The following LIMS1 variants were observed in gnomAD, a reference collection of about 807,000 sequenced individuals.
The protein encoded by LIMS1 is LIM zinc finger domain containing 1.
LIMS1 carries 18 observed loss-of-function variants against 44.1 expected under a neutral mutation model. The ratio of observed to expected loss-of-function variants is 0.41; its 90% CI spans 0.28 to 0.61. The LOEUF (loss-of-function observed/expected upper bound fraction) is 0.61, where lower values mean the gene tolerates loss of function less well. LIMS1 is among the 20% of genes least tolerant of loss of function. The pLI, the probability that LIMS1 is intolerant of heterozygous loss-of-function variation, is 0.32. For missense variants in LIMS1, 201 were observed against 422.0 expected (o/e 0.48, Z 4.59); for synonymous variants, 93 against 149.1 (o/e 0.62, Z 2.74).
chr2:108,592,506 T>C (rs1269414919), intron 1 of LIMS1, among the ~76,000 whole-genome samples: 1 of 152,150 alleles, frequency 6.6e-6, no homozygotes, highest in Admixed American at 6.5e-5. Flanking sequence ...GATTCCCTTA[T>C]AGGGCTTTAA....
chr2:108,551,953 G>GTA (rs10598934), intron 1 of LIMS1, among the ~76,000 whole-genome samples: 15,953 of 84,968 alleles, frequency 0.19, 1,186 homozygotes, highest in African/African-American at 0.21. Flanking sequence ...GTGTGTGTGT[G>GTA]TATATATATA....
rs753691810 is a variant in LIMS1 at position 108,569,764 on chromosome 2, C to CCTTTTTTTT, written c.32+35170_32+35171insCTTTTTTTT. ...TACAAACACTCACCGCCATATCTGGCTTTTTTTTTTTTTTTTTTTAGTGAT... is the reference window on the plus strand; with the variant it reads ...TACAAACACTCACCGCCATATCTGGCCTTTTTTTTTTTTTTTTTTTTTTTTTTTAGTGAT... On this transcript the variant is annotated intron_variant, in intron 1 of 9. Transcript: ENST00000544547. Among the ~76,000 whole-genome samples, 259 of 113,122 alleles carry CCTTTTTTTT rather than the reference C, an allele frequency of 2.3e-3. 28 individuals are homozygous for CCTTTTTTTT. Among genetic ancestry groups the CCTTTTTTTT allele is most frequent in the Middle Eastern group, 5.1e-3 (1 of 196 alleles). 74.2% of individuals were successfully genotyped at this position (113,122 alleles called of 152,430 possible).
chr2:108,618,242 G>A (rs1453686827), intron 1 of LIMS1, among the ~76,000 whole-genome samples: 1 of 152,140 alleles, frequency 6.6e-6, no homozygotes, highest in African/African-American at 2.4e-5. Context: ...ATTTATACAG[G>A]CCTCCCTCTG....
chr2:108,662,794 G>A (rs574319912), intron 2 of LIMS1: 23 of 874,152 alleles, frequency 2.6e-5, no homozygotes, highest in African/African-American at 2.2e-4. Flanking sequence ...ATGCATCTTC[G>A]CCACTCTATA....
chr2:108,623,461 C>G lies in LIMS1; in HGVS notation c.33-36144C>G, dbSNP rs186227700. On this transcript the variant is annotated intron_variant, in intron 1 of 9. Transcript: ENST00000544547. ...CTACTATTATTGAACATTATTTACT[C>G]TCTCACAGAACTCAAACCACCAATT... 2.2e-3 allele frequency among the ~76,000 whole-genome samples: 321 copies of G among 146,852 alleles called. 3 individuals carry two copies. Among genetic ancestry groups the G allele is most frequent in the African/African-American group, 8.0e-3 (306 of 38,376 alleles).
intron 1 of LIMS1, among the ~76,000 whole-genome samples, chr2:108,611,889 T>C (rs1313606128): frequency 7.0e-6 from 1 of 143,152 alleles, no homozygotes; most frequent in Non-Finnish European, 1.5e-5. Context: ...ATAAAATATA[T>C]ACACACATAT....
At chr2:108,637,750 A>T (rs1202197942) in intron 1 of LIMS1, among the ~76,000 whole-genome samples, 1 of 152,214 alleles carries the variant, frequency 6.6e-6, no homozygotes, top group Admixed American at 6.5e-5. Flanking sequence ...AAAATAAAAG[A>T]ATGAAAAGAT....
chr2:108,619,920 G>C lies in LIMS1; in HGVS notation c.33-39685G>C, dbSNP rs114821725. On this transcript the variant is annotated intron_variant, in intron 1 of 9. Coordinates refer to ENST00000544547, the Ensembl canonical transcript of LIMS1. The stretch of plus-strand genomic sequence containing the variant: ...AAGCAGCCAGTATTACCGGTTTTTT[G>C]TATACCCTCCCGGAGACAGATGTAA... 1.5e-3 allele frequency among the ~76,000 whole-genome samples: 234 copies of C among 152,148 alleles called. 2 individuals carry two copies. Among genetic ancestry groups the C allele is most frequent in the African/African-American group, 5.5e-3 (228 of 41,500 alleles).
chr2:108,566,271 G>A (rs1685285765), intron 1 of LIMS1, among the ~76,000 whole-genome samples: 1 of 152,184 alleles, frequency 6.6e-6, no homozygotes, highest in African/African-American at 2.4e-5. Flanking sequence ...GCAAGACTCA[G>A]TAAGGCTTTA....
intron 1 of LIMS1, among the ~76,000 whole-genome samples, chr2:108,538,783 G>C (rs1421777297): frequency 6.6e-6 from 1 of 152,102 alleles, no homozygotes; most frequent in Non-Finnish European, 1.5e-5. Context: ...GTACATTGAC[G>C]TTGCTGTGCA....
At chr2:108,565,741 C>T (rs1250368453) in intron 1 of LIMS1, among the ~76,000 whole-genome samples, 2 of 152,122 alleles carry the variant, frequency 1.3e-5, no homozygotes, top group Non-Finnish European at 2.9e-5. Flanking sequence ...TTACATTTCA[C>T]AGTTTTCGAG....
chr2:108,677,162 T>C (rs1558843554), intron 7 of LIMS1, among the ~76,000 whole-genome samples: 1 of 152,248 alleles, frequency 6.6e-6, no homozygotes, highest in Non-Finnish European at 1.5e-5. Flanking sequence ...ACTCCCAGAC[T>C]GGACCCAGCC....
At chr2:108,544,416 T>C (rs931647974) in intron 1 of LIMS1, among the ~76,000 whole-genome samples, 1 of 152,222 alleles carries the variant, frequency 6.6e-6, no homozygotes, top group African/African-American at 2.4e-5. Context: ...AATTTTTTAT[T>C]ATGGAGGATT....
intron 1 of LIMS1, among the ~76,000 whole-genome samples, chr2:108,560,370 C>T (rs1468077479): frequency 6.6e-6 from 1 of 152,136 alleles, no homozygotes; most frequent in African/African-American, 2.4e-5. Context: ...TGAGGCCCCA[C>T]AGTGTTTGGC....
chr2:108,534,432 G>A (rs1684042535), exon 1 of LIMS1: 4 of 649,116 alleles, frequency 6.2e-6, no homozygotes, highest in Non-Finnish European at 8.3e-6. Flanking sequence ...CGCGCGGCCG[G>A]CCCCTGGCCT....
intron 1 of LIMS1, among the ~76,000 whole-genome samples, chr2:108,549,133 G>A (rs977113869): frequency 2.6e-5 from 4 of 151,882 alleles, no homozygotes; most frequent in East Asian, 1.9e-4. Flanking sequence ...ATAATGATGC[G>A]CAGTATATTT....
At chr2:108,668,161 C>T (rs977888953) in intron 2 of LIMS1, among the ~76,000 whole-genome samples, 9 of 152,224 alleles carry the variant, frequency 5.9e-5, no homozygotes, top group South Asian at 2.1e-4. Context: ...GGGTATTTAA[C>T]GTATCCATCA....
intron 1 of LIMS1, among the ~76,000 whole-genome samples, chr2:108,634,500 A>T (rs911455860): frequency 1.3e-5 from 2 of 152,200 alleles, no homozygotes; most frequent in East Asian, 3.8e-4. Flanking sequence ...CATTGCCCCT[A>T]CCACTAGCAA....
At chr2:108,609,364 C>T (rs1228382598) in intron 1 of LIMS1, among the ~76,000 whole-genome samples, 6 of 152,262 alleles carry the variant, frequency 3.9e-5, no homozygotes, top group Admixed American at 2.6e-4. Flanking sequence ...GATTGCACCC[C>T]TCCCCACCCG....
Sources: gnomAD v4.1 joint callset for allele counts (sites outside exome capture counted in the v4.1 genomes callset) on GRCh38, gnomAD v4.1.1 for gene constraint, MANE v1.5 for transcripts, NCBI Gene and HGNC (gene_info 2026-07-23, HGNC 2026-07-21) for gene names.